The following NEMP2 variants were observed in gnomAD, a reference collection of about 807,000 sequenced individuals.
The protein encoded by NEMP2 is nuclear envelope integral membrane protein 2, also known as UPF0571 transmembrane protein.
NEMP2 carries 53 observed loss-of-function variants against 54.2 expected under a neutral mutation model. The ratio of observed to expected loss-of-function variants is 0.98; its 90% CI spans 0.78 to 1.23. The LOEUF (loss-of-function observed/expected upper bound fraction) is 1.23, where lower values mean the gene tolerates loss of function less well. NEMP2 is among the 50% of genes most tolerant of loss of function. NEMP2 has a pLI of 0.00. For missense variants in NEMP2, 455 were observed against 511.3 expected, an observed-to-expected ratio of 0.89 and a Z score of 1.06; for synonymous variants, 197 against 190.3, an observed-to-expected ratio of 1.04 and a Z score of -0.29.
the NEMP2 span, among the ~76,000 whole-genome samples, chr2:190,459,464 C>A: frequency 2.0e-5 from 3 of 152,164 alleles, no homozygotes; most frequent in East Asian, 3.9e-4. The surrounding 1 kb of genome is among the most constrained non-coding windows in gnomAD (Gnocchi z 5.3). Context: ...AATTTTTAAA[C>A]AAAATTGTAG....
At chr2:190,477,380 G>A in the NEMP2 span, 1 of 977,804 alleles carries the variant, frequency 1.0e-6, no homozygotes, top group Non-Finnish European at 1.2e-6. Context: ...ATAAAGATTT[G>A]TATACCTACA....
the NEMP2 span, among the ~76,000 whole-genome samples, chr2:190,553,049 C>CTT: frequency 7.0e-6 from 1 of 143,148 alleles, no homozygotes; most frequent in Non-Finnish European, 1.5e-5. Flanking sequence ...ATAACAATTT[C>CTT]TTTTTTTTTT....
rs1690489312 is a variant in NEMP2 at position 190,514,645 on chromosome 2, A to C, written c.761T>G (p.Val254Gly). 6.4e-7 allele frequency: 1 copy of C among 1,551,734 alleles called. No individual in the cohort carries two copies. Among genetic ancestry groups the C allele is most frequent in the Admixed American group, 2.0e-5 (1 of 51,006 alleles). Reference protein sequence around the residue: ...YVLIVGFFSFVVCYKHGPLAD... With the variant: ...YVLIVGFFSFGVCYKHGPLAD... ...AAGGGGCCCATGCTTGTAACAAACA[A>C]CAAAGCTGAAAAATCCAACTATCAA... The change falls in exon 7 of 9, where the codon GTT becomes GGT. Residue 254 changes from valine to glycine, a missense_variant. Transcript: ENST00000409150. This position sits in a 1 kb window ranked among gnomAD's most constrained non-coding sequence, Gnocchi z 5.7.
chr2:190,579,319 T>G, the NEMP2 span, among the ~76,000 whole-genome samples: 1 of 151,486 alleles, frequency 6.6e-6, no homozygotes, highest in Non-Finnish European at 1.5e-5. Context: ...GTATGAGAAA[T>G]AACTTCTACT....
At chr2:190,463,757 C>A in the NEMP2 span, 1 of 456,418 alleles carries the variant, frequency 2.2e-6, no homozygotes, top group Non-Finnish European at 2.9e-6. The surrounding 1 kb of genome is among the most constrained non-coding windows in gnomAD (Gnocchi z 4.4). Flanking sequence ...GTGGTCAAGG[C>A]TGCATTGAGC....
chr2:190,589,525 G>A, the NEMP2 span, among the ~76,000 whole-genome samples: 2 of 152,118 alleles, frequency 1.3e-5, no homozygotes. This position sits in a 1 kb window ranked among gnomAD's most constrained non-coding sequence, Gnocchi z 4.3. Context: ...TGCTTTGGGG[G>A]AATACTCTAT....
chr2:190,504,153 A>ACAT (rs1254184854), downstream of NEMP2, among the ~76,000 whole-genome samples: 1 of 152,156 alleles, frequency 6.6e-6, no homozygotes, highest in African/African-American at 2.4e-5. This position sits in a 1 kb window ranked among gnomAD's most constrained non-coding sequence, Gnocchi z 5.6. Flanking sequence ...ACTTACACAC[A>ACAT]CATAGAACAT....
At chr2:190,438,536 A>C in the NEMP2 span, among the ~76,000 whole-genome samples, 2 of 152,214 alleles carry the variant, frequency 1.3e-5, no homozygotes, top group African/African-American at 4.8e-5. The surrounding 1 kb of genome is among the most constrained non-coding windows in gnomAD (Gnocchi z 5.2). Flanking sequence ...ACACCCTGTA[A>C]GTGCCTAGTG....
the NEMP2 span, among the ~76,000 whole-genome samples, chr2:190,423,808 C>A: frequency 6.6e-6 from 1 of 152,114 alleles, no homozygotes; most frequent in South Asian, 2.1e-4. This position sits in a 1 kb window ranked among gnomAD's most constrained non-coding sequence, Gnocchi z 4.3. Context: ...TCAGTGTTAT[C>A]CCTATTTTTA....
chr2:190,451,017 G>T, the NEMP2 span, among the ~76,000 whole-genome samples: 1 of 152,176 alleles, frequency 6.6e-6, no homozygotes, highest in South Asian at 2.1e-4. This position sits in a 1 kb window ranked among gnomAD's most constrained non-coding sequence, Gnocchi z 5.0. Flanking sequence ...CCATTGAGGA[G>T]AATGAGAAGA....
At chr2:190,571,742 G>A in the NEMP2 span, among the ~76,000 whole-genome samples, 1 of 152,146 alleles carries the variant, frequency 6.6e-6, no homozygotes, top group Non-Finnish European at 1.5e-5. Flanking sequence ...GTAGCATTAT[G>A]AAAGGGAAAG....
the NEMP2 span, among the ~76,000 whole-genome samples, chr2:190,550,855 G>T: frequency 1.3e-5 from 2 of 152,108 alleles, no homozygotes; most frequent in East Asian, 3.8e-4. The surrounding 1 kb of genome is among the most constrained non-coding windows in gnomAD (Gnocchi z 4.7). Context: ...CAAAGTTTTT[G>T]TCTTCACTCG....
the NEMP2 span, among the ~76,000 whole-genome samples, chr2:190,493,526 A>T: frequency 6.6e-6 from 1 of 152,206 alleles, no homozygotes; most frequent in African/African-American, 2.4e-5. Flanking sequence ...CCTGGAACAA[A>T]TGAACTTAAC....
the NEMP2 span, among the ~76,000 whole-genome samples, chr2:190,629,229 T>C: frequency 5.9e-5 from 9 of 152,210 alleles, no homozygotes; most frequent in African/African-American, 2.2e-4. Context: ...GCTTTCAATT[T>C]AGTAGGGAAC....
the NEMP2 span, among the ~76,000 whole-genome samples, chr2:190,603,055 T>C: frequency 6.6e-6 from 1 of 152,196 alleles, no homozygotes; most frequent in African/African-American, 2.4e-5. Context: ...AATTTTCCTT[T>C]GAGGAAAATT....
chr2:190,480,724 C>T, the NEMP2 span, among the ~76,000 whole-genome samples: 4 of 152,208 alleles, frequency 2.6e-5, no homozygotes, highest in South Asian at 4.1e-4. Context: ...GGACAAAATG[C>T]TTAATCTCTC....
At chr2:190,623,356 C>A in the NEMP2 span, among the ~76,000 whole-genome samples, 1 of 151,942 alleles carries the variant, frequency 6.6e-6, no homozygotes, top group African/African-American at 2.4e-5. Context: ...CCCCAAATAG[C>A]CAAACCATTC....
In NEMP2 at chr2:190,510,842, C is replaced by CT. The variant is rs1398637616; in HGVS notation, c.954-306dup. On this transcript the variant is annotated intron_variant, in intron 7 of 8. Coordinates refer to ENST00000409150, the MANE Select transcript of NEMP2 (RefSeq NM_001142645.2). The surrounding 1 kb of genome is among the most constrained non-coding windows in gnomAD (Gnocchi z 5.7). ...GTTGCAGTAAGCCGAGATCGCGCCA[C>CT]TGCACTCCAGCCTGGGCGACAGAGG... 6.7e-6 allele frequency among the ~76,000 whole-genome samples: 1 copy of CT among 150,060 alleles called. No homozygotes were observed. Among genetic ancestry groups the CT allele is most frequent in the African/African-American group, 2.5e-5 (1 of 40,574 alleles).
intron 1 of NEMP2, among the ~76,000 whole-genome samples, chr2:190,526,478 G>A (rs1056532008): frequency 6.6e-6 from 1 of 152,236 alleles, no homozygotes; most frequent in Admixed American, 6.5e-5. Flanking sequence ...TATTCTGTAA[G>A]TAGTGTGCAA....
Sources: allele counts gnomAD v4.1 joint callset (sites outside exome capture counted in the v4.1 genomes callset), GRCh38; gene constraint gnomAD v4.1.1; non-coding constraint Gnocchi (gnomAD v3.1); transcripts MANE v1.5; gene names NCBI Gene and HGNC (gene_info 2026-07-23, HGNC 2026-07-21).